The following AOPEP variants were observed in gnomAD, a reference collection of about 807,000 sequenced individuals.
AOPEP encodes the protein aminopeptidase O.
Under a neutral mutation model 98.1 loss-of-function variants are expected in AOPEP, and 77 were observed. The observed-to-expected ratio is 0.78, with a 90% CI of 0.65 to 0.95. The LOEUF is 0.95. AOPEP is among the 40% of genes least tolerant of loss of function. The pLI, the probability that AOPEP is intolerant of heterozygous loss-of-function variation, is 0.00. For synonymous variants in AOPEP, 346 were observed against 365.3 expected (o/e 0.95, Z 0.60); for missense variants, 1,024 against 1,024.7 (o/e 1.00, Z 0.01).
rs1289948725 is a variant in AOPEP, at chr9:95,082,560, C to T, written c.2320-15C>T. 1.2e-6 allele frequency: 2 copies of T among 1,613,608 alleles called. No individual in the cohort carries two copies. Among genetic ancestry groups the T allele is most frequent in the African/African-American group, 1.3e-5 (1 of 74,928 alleles). ...ACACCTTCGCCTGATGCCCTTTGGC[C>T]TCTGTGCCCTGCAGGCCATGGGTGT... On this transcript the variant is annotated splice_polypyrimidine_tract_variant and intron_variant, in intron 15 of 16. Coordinates refer to ENST00000375315, the MANE Select transcript of AOPEP (RefSeq NM_001193329.3).
At chr9:94,907,994 C>T (rs1020623472) in intron 5 of AOPEP, among the ~76,000 whole-genome samples, 6 of 152,130 alleles carry the variant, frequency 3.9e-5, no homozygotes. Context: ...CCTCACTTTT[C>T]CTGAGAGGGG....
intron 9 of AOPEP, among the ~76,000 whole-genome samples, chr9:94,960,136 G>T (rs1406794818): frequency 6.6e-6 from 1 of 152,056 alleles, no homozygotes; most frequent in Non-Finnish European, 1.5e-5. Context: ...AATTGGCCGG[G>T]CACGGTGGCT....
At chr9:95,124,281 A>C in the AOPEP span, among the ~76,000 whole-genome samples, 1 of 152,124 alleles carries the variant, frequency 6.6e-6, no homozygotes, top group African/African-American at 2.4e-5. Flanking sequence ...GATGCACTGG[A>C]CCAGCACCAC....
the AOPEP span, among the ~76,000 whole-genome samples, chr9:95,144,574 T>C: frequency 6.6e-6 from 1 of 152,132 alleles, no homozygotes; most frequent in African/African-American, 2.4e-5. Context: ...ACCAGGAGTA[T>C]TCACTTCCAG....
At chr9:95,117,723 ATTTTTTTT>A in the AOPEP span, among the ~76,000 whole-genome samples, 1 of 136,822 alleles carries the variant, frequency 7.3e-6, no homozygotes, top group Non-Finnish European at 1.6e-5. Context: ...GTATTTCAGC[ATTTTTTTT>A]TTTTTTTTTG....
At chr9:95,141,884 GA>G in the AOPEP span, among the ~76,000 whole-genome samples, 2 of 151,056 alleles carry the variant, frequency 1.3e-5, no homozygotes, top group African/African-American at 4.9e-5. Flanking sequence ...TTGTTAGGGG[GA>G]AAAATATGAG....
At chr9:95,091,200 G>T (rs1403170798), downstream of AOPEP, among the ~76,000 whole-genome samples, 2 of 152,226 alleles carry the variant, frequency 1.3e-5, no homozygotes, top group Non-Finnish European at 2.9e-5. Context: ...TCTATAGATG[G>T]GGCCAGTGGA....
At chr9:95,082,491 A>G in intron 15 of AOPEP, 84 bp from the exon 16 acceptor site, 1 of 1,457,346 alleles carries the variant, frequency 6.9e-7, no homozygotes, top group Non-Finnish European at 9.3e-7. Context: ...GTGTGTGTGG[A>G]ACAAGCACAG....
At chr9:94,752,036 C>T (rs920371911) in intron 1 of AOPEP, among the ~76,000 whole-genome samples, 4 of 151,748 alleles carry the variant, frequency 2.6e-5, no homozygotes, top group Admixed American at 6.6e-5. Flanking sequence ...GGACTATAGG[C>T]GTGTACACCA....
Position 95,073,982 on chromosome 9 carries a change from C to A in AOPEP, c.2233-6712C>A, listed in dbSNP as rs551806538. 1.2e-4 allele frequency among the ~76,000 whole-genome samples: 18 copies of A among 152,302 alleles called. No individual in the cohort carries two copies. The East Asian group carries it at 3.5e-3, about 29-fold the overall frequency. ...TTCTACATATACACATTTGTGGATA[C>A]GTATGCACACATAGATATGCATACG... On this transcript the variant is annotated intron_variant, in intron 14 of 16. Coordinates refer to ENST00000375315, the MANE Select transcript of AOPEP (RefSeq NM_001193329.3).
At chr9:95,011,060 C>A (rs748558157) in intron 13 of AOPEP, among the ~76,000 whole-genome samples, 7 of 151,960 alleles carry the variant, frequency 4.6e-5, no homozygotes, top group Non-Finnish European at 8.8e-5. Flanking sequence ...GCTTTGTTTG[C>A]TATATATTTT....
At chr9:94,787,921 G>T (rs570431607) in intron 3 of AOPEP, among the ~76,000 whole-genome samples, 2 of 151,884 alleles carry the variant, frequency 1.3e-5, no homozygotes, top group African/African-American at 4.8e-5. Flanking sequence ...ATGCTTTATT[G>T]TTCAGGGTTG....
intron 2 of AOPEP, among the ~76,000 whole-genome samples, chr9:94,766,067 T>C (rs922507592): frequency 6.6e-6 from 1 of 152,200 alleles, no homozygotes; most frequent in African/African-American, 2.4e-5. Context: ...TGTGTAAAGG[T>C]GTTCTTGCCA....
chr9:94,823,969 C>T (rs1315442751), intron 5 of AOPEP, among the ~76,000 whole-genome samples: 1 of 152,130 alleles, frequency 6.6e-6, no homozygotes, highest in Non-Finnish European at 1.5e-5. Flanking sequence ...GGAAGTGACC[C>T]TTTGCTACTA....
intron 1 of AOPEP, among the ~76,000 whole-genome samples, chr9:94,735,505 C>T (rs1022097656): frequency 6.6e-6 from 1 of 152,162 alleles, no homozygotes; most frequent in African/African-American, 2.4e-5. Context: ...CAGGTGTGAG[C>T]CACCGCGCCC....
the AOPEP span, among the ~76,000 whole-genome samples, chr9:95,096,748 C>G: frequency 6.6e-6 from 1 of 152,208 alleles, no homozygotes; most frequent in Admixed American, 6.5e-5. Context: ...TTCAGCCCCA[C>G]CCATGTTTCC....
intron 7 of AOPEP, among the ~76,000 whole-genome samples, chr9:94,944,417 T>C (rs547320691): frequency 6.6e-6 from 1 of 152,158 alleles, no homozygotes; most frequent in African/African-American, 2.4e-5. Context: ...AGGAACGGAG[T>C]ACTGATACTT....
intron 10 of AOPEP, 32 bp downstream of exon 10, chr9:94,967,833 G>T: frequency 6.4e-7 from 1 of 1,568,046 alleles, no homozygotes; most frequent in Non-Finnish European, 8.8e-7. Flanking sequence ...TTGGAATTAA[G>T]AGCCCAGTTT....
At chr9:95,107,053 C>T in the AOPEP span, 153 of 1,613,932 alleles carry the variant, frequency 9.5e-5, no homozygotes, top group Non-Finnish European at 1.2e-4. Context: ...TGCTGGACCA[C>T]AGGGAGACTT....
Sources: allele counts gnomAD v4.1 joint callset (sites outside exome capture counted in the v4.1 genomes callset), GRCh38; gene constraint gnomAD v4.1.1; transcripts MANE v1.5; gene names NCBI Gene and HGNC (gene_info 2026-07-23, HGNC 2026-07-21).